The following GATAD1 variants were observed in gnomAD, a reference collection of about 807,000 sequenced individuals.
GATAD1 encodes GATA zinc finger domain-containing protein 1.
Under a neutral mutation model 26.5 loss-of-function variants are expected in GATAD1, and 12 were observed. The ratio of observed to expected loss-of-function variants is 0.45; its 90% CI spans 0.29 to 0.73. The LOEUF is 0.73. Among genes scored for constraint, GATAD1 ranks in the 30% least tolerant of loss-of-function variants. GATAD1 has a pLI of 0.10. For synonymous variants in GATAD1, 129 were observed against 133.1 expected (o/e 0.97, Z 0.21); for missense variants, 266 against 342.1 (o/e 0.78, Z 1.75).
In GATAD1 at chr7:92,448,882, G is replaced by A; in HGVS notation, c.375+5G>A. 1 of 1,610,894 alleles carries A rather than the reference G, an allele frequency of 6.2e-7. No homozygotes were observed. The highest frequency in any genetic ancestry group is 2.2e-5 in the East Asian group (1 of 44,858). ...CATATATTTAAATTGAAAAATGTAAGATATTTGTGGACAGTGCCTTTTACT... is the reference window on the plus strand; with the variant it reads ...CATATATTTAAATTGAAAAATGTAAAATATTTGTGGACAGTGCCTTTTACT... On this transcript the variant is annotated splice_donor_5th_base_variant and intron_variant, in intron 2 of 4. Transcript: ENST00000287957.
chr7:92,488,613 T>C, the GATAD1 span, among the ~76,000 whole-genome samples: 4 of 152,226 alleles, frequency 2.6e-5, no homozygotes, highest in Admixed American at 2.6e-4. Context: ...CAATAAAATA[T>C]TAATATAAAT....
chr7:92,485,874 A>G, the GATAD1 span, among the ~76,000 whole-genome samples: 5 of 152,234 alleles, frequency 3.3e-5, no homozygotes, highest in African/African-American at 1.2e-4. Flanking sequence ...AAAGAACACA[A>G]CTGGGTATGA....
At chr7:92,474,043 C>G in the GATAD1 span, among the ~76,000 whole-genome samples, 1 of 152,022 alleles carries the variant, frequency 6.6e-6, no homozygotes, top group Admixed American at 6.6e-5. Context: ...CCTTGTAGAC[C>G]GCACTGGAAG....
At chr7:92,488,327 CTTT>C in the GATAD1 span, among the ~76,000 whole-genome samples, 2 of 152,114 alleles carry the variant, frequency 1.3e-5, no homozygotes, top group Non-Finnish European at 2.9e-5. Flanking sequence ...TCTGATTCTT[CTTT>C]AATAAATACA....
chr7:92,476,624 C>G, the GATAD1 span, among the ~76,000 whole-genome samples: 1 of 152,052 alleles, frequency 6.6e-6, no homozygotes, highest in Non-Finnish European at 1.5e-5. Flanking sequence ...TTGTCTCTCT[C>G]TCTCTTCTGT....
the GATAD1 span, chr7:92,493,939 T>C: frequency 6.1e-5 from 17 of 278,794 alleles, no homozygotes; most frequent in Non-Finnish European, 1.1e-4. Flanking sequence ...CTTACATGCT[T>C]ACGATTCACA....
the GATAD1 span, among the ~76,000 whole-genome samples, chr7:92,494,920 GTTTA>G: frequency 6.6e-6 from 1 of 151,796 alleles, no homozygotes; most frequent in African/African-American, 2.4e-5. Context: ...AGGTCAAGGT[GTTTA>G]TTAAGACCCA....
the GATAD1 span, among the ~76,000 whole-genome samples, chr7:92,485,241 G>T: frequency 6.6e-6 from 1 of 152,214 alleles, no homozygotes; most frequent in Non-Finnish European, 1.5e-5. Context: ...GGTCACAGGG[G>T]AGGATGGCTT....
the GATAD1 span, chr7:92,493,389 C>T: frequency 4.7e-6 from 1 of 210,806 alleles, no homozygotes; most frequent in South Asian, 1.1e-4. Context: ...AATCCCAACA[C>T]TTTGGGAGGT....
At chr7:92,471,547 C>T in the GATAD1 span, 1 of 152,244 alleles carries the variant, frequency 6.6e-6, no homozygotes, top group East Asian at 1.9e-4. Context: ...CATTCTGTTT[C>T]TCCTGCTGAG....
chr7:92,490,914 T>C, the GATAD1 span, among the ~76,000 whole-genome samples: 80 of 152,330 alleles, frequency 5.3e-4, no homozygotes, highest in Non-Finnish European at 1.1e-3. Context: ...ATTTCTTACA[T>C]TATTGTATCA....
chr7:92,482,468 C>T, the GATAD1 span, among the ~76,000 whole-genome samples: 11 of 152,086 alleles, frequency 7.2e-5, no homozygotes, highest in African/African-American at 1.4e-4. Context: ...TTTAGAAGCC[C>T]GTGCTGTAGC....
chr7:92,481,435 T>A, the GATAD1 span, among the ~76,000 whole-genome samples: 14 of 152,056 alleles, frequency 9.2e-5, no homozygotes, highest in South Asian at 2.1e-4. Flanking sequence ...AGAGAGTGAG[T>A]TGAGCATAGT....
chr7:92,453,929 T>G (rs1443654979), intron 3 of GATAD1: 1 of 153,988 alleles, frequency 6.5e-6, no homozygotes, highest in Non-Finnish European at 1.4e-5. Context: ...ATACTCTCTT[T>G]GTATGATACT....
At chr7:92,460,756 A>T (rs769959494), downstream of GATAD1, among the ~76,000 whole-genome samples, 3 of 143,754 alleles carry the variant, frequency 2.1e-5, no homozygotes, top group Non-Finnish European at 3.0e-5. Flanking sequence ...AGCCTGGGTG[A>T]TAGAAGTGAG....
intron 3 of GATAD1, among the ~76,000 whole-genome samples, chr7:92,452,593 C>T (rs1438430888): frequency 6.6e-6 from 1 of 152,170 alleles, no homozygotes; most frequent in Non-Finnish European, 1.5e-5. Flanking sequence ...GTGCTGTTCT[C>T]GTGTGGACCC....
At chr7:92,476,596 ACTCTCT>A in the GATAD1 span, among the ~76,000 whole-genome samples, 6 of 137,964 alleles carry the variant, frequency 4.3e-5, no homozygotes, top group African/African-American at 8.1e-5. Flanking sequence ...TCTCTCTTTG[ACTCTCT>A]CTCTCTCCTC....
At chr7:92,462,368 T>TA (rs143310054), downstream of GATAD1, among the ~76,000 whole-genome samples, 13,365 of 141,004 alleles carry the variant, frequency 0.095, 803 homozygotes, top group Non-Finnish European at 0.13. Context: ...TCTGATTTTG[T>TA]AAAAAAAAAA....
the GATAD1 span, among the ~76,000 whole-genome samples, chr7:92,476,696 T>G: frequency 3.9e-5 from 6 of 151,934 alleles, no homozygotes; most frequent in Admixed American, 2.0e-4. Flanking sequence ...TCTCTCTCTC[T>G]CCTCTGTCTC....
Sources: allele counts gnomAD v4.1 joint callset (sites outside exome capture counted in the v4.1 genomes callset), GRCh38; gene constraint gnomAD v4.1.1; transcripts MANE v1.5; gene names NCBI Gene and HGNC (gene_info 2026-07-23, HGNC 2026-07-21).